The following SEMA3A variants were observed in gnomAD, a reference collection of about 807,000 sequenced individuals.
The protein encoded by SEMA3A is semaphorin 3A, also known as semaphorin-3A.
SEMA3A carries 29 observed loss-of-function variants against 97.9 expected under a neutral mutation model. The ratio of observed to expected loss-of-function variants is 0.30; its 90% CI spans 0.22 to 0.40. The LOEUF (loss-of-function observed/expected upper bound fraction) is 0.40. SEMA3A is among the 10% of genes least tolerant of loss of function. The pLI, the probability that SEMA3A is intolerant of heterozygous loss-of-function variation, is 1.00. For synonymous variants in SEMA3A, 321 were observed against 323.7 expected, an observed-to-expected ratio of 0.99 and a Z score of 0.09; for missense variants, 763 against 951.3, an observed-to-expected ratio of 0.80 and a Z score of 2.60.
chr7:84,463,127 A>G (rs1378660842), intron 1 of SEMA3A, among the ~76,000 whole-genome samples: 5 of 150,902 alleles, frequency 3.3e-5, no homozygotes, highest in Admixed American at 3.3e-4. Context: ...ATTTTTTAAT[A>G]TCTCTCTTTC....
intron 1 of SEMA3A, among the ~76,000 whole-genome samples, chr7:84,453,140 A>C (rs951793881): frequency 6.6e-6 from 1 of 152,202 alleles, no homozygotes; most frequent in Non-Finnish European, 1.5e-5. Context: ...ATCCTTATAC[A>C]TATCGAATAC....
At chr7:84,062,727 C>T (rs1479676186) in intron 4 of SEMA3A, among the ~76,000 whole-genome samples, 2 of 152,178 alleles carry the variant, frequency 1.3e-5, no homozygotes, top group East Asian at 1.9e-4. Flanking sequence ...TAAAAAACGG[C>T]GCATCACGAG....
chr7:84,074,824 ATT>A (rs10540854), intron 4 of SEMA3A, among the ~76,000 whole-genome samples: 18,224 of 152,032 alleles, frequency 0.12, 1,169 homozygotes, highest in South Asian at 0.15. Flanking sequence ...TTTTTCAAAA[ATT>A]CTACACTTTA....
chr7:84,077,492 T>C (rs1300349805), intron 4 of SEMA3A, among the ~76,000 whole-genome samples: 2 of 152,056 alleles, frequency 1.3e-5, no homozygotes, highest in Non-Finnish European at 2.9e-5. Context: ...TCTAGTCATA[T>C]GGTTTCTTTA....
chr7:84,477,071 AAAAT>A (rs1326980919), intron 1 of SEMA3A, among the ~76,000 whole-genome samples: 3 of 124,954 alleles, frequency 2.4e-5, no homozygotes, highest in Admixed American at 9.0e-5. Flanking sequence ...TTAAAAAAAA[AAAAT>A]ATATATATAT....
rs79837171 is a variant in SEMA3A, at chr7:84,281,670, G to A, written c.-83+25537C>T. ...AGATAGTATAGTGTGGTGTTCAAAA[G>A]AACAGACTCTGTAGCTACATTCAGT... On this transcript the variant is annotated intron_variant, in intron 3 of 3. Transcript: ENST00000424555. Among the ~76,000 whole-genome samples, 937 of 152,230 alleles carry A rather than the reference G, an allele frequency of 6.2e-3. 45 individuals are homozygous for A. The East Asian group carries it at 0.12, about 19-fold the overall frequency.
At chr7:84,139,135 G>A (rs1357892108) in intron 1 of SEMA3A, among the ~76,000 whole-genome samples, 1 of 152,096 alleles carries the variant, frequency 6.6e-6, no homozygotes, top group East Asian at 1.9e-4. Context: ...GTAAAATTCA[G>A]TAATGTGAAA....
intron 2 of SEMA3A, among the ~76,000 whole-genome samples, chr7:84,316,363 G>T (rs1801500450): frequency 6.6e-6 from 1 of 151,558 alleles, no homozygotes; most frequent in Non-Finnish European, 1.5e-5. Context: ...AAATAAATTA[G>T]TTAATATTTT....
chr7:84,076,243 G>A (rs1793943763), intron 4 of SEMA3A, among the ~76,000 whole-genome samples: 1 of 152,116 alleles, frequency 6.6e-6, no homozygotes, highest in Non-Finnish European at 1.5e-5. Flanking sequence ...TATTAGCCAA[G>A]AACAATCTTT....
At position 84,320,917 on chromosome 7, in the gene SEMA3A, T is replaced by C. The variant is rs150206530; in HGVS notation, c.-168-13625A>G. 5.6e-3 allele frequency among the ~76,000 whole-genome samples: 846 copies of C among 152,276 alleles called. 7 individuals are homozygous for C. The highest frequency in any genetic ancestry group is 0.019 in the African/African-American group (792 of 41,584). ...TAAAATTATTGTTAAGATGAAATGATGAGGTATATAGAAATGTTTGACTCA... is the reference window on the plus strand; with the variant it reads ...TAAAATTATTGTTAAGATGAAATGACGAGGTATATAGAAATGTTTGACTCA... On this transcript the variant is annotated intron_variant, in intron 2 of 3. Transcript: ENST00000424555.
intron 1 of SEMA3A, among the ~76,000 whole-genome samples, chr7:84,480,695 G>T (rs1806421647): frequency 1.3e-5 from 2 of 152,014 alleles, no homozygotes. Flanking sequence ...TTTTGAATTG[G>T]AAGTGTCCTC....
chr7:84,196,065 G>C (rs890655016), upstream of SEMA3A, among the ~76,000 whole-genome samples: 1 of 151,948 alleles, frequency 6.6e-6, no homozygotes, highest in Non-Finnish European at 1.5e-5. Context: ...AAGTTAACAG[G>C]ACAGAACTTT....
At chr7:84,406,579 T>A (rs2116233464) in intron 1 of SEMA3A, among the ~76,000 whole-genome samples, 1 of 151,178 alleles carries the variant, frequency 6.6e-6, no homozygotes, top group Non-Finnish European at 1.5e-5. Flanking sequence ...TACCAAAGCC[T>A]GGCAGAGACA....
chr7:84,211,411 G>A (rs1280194417), intron 3 of SEMA3A, among the ~76,000 whole-genome samples: 3 of 150,364 alleles, frequency 2.0e-5, no homozygotes, highest in Non-Finnish European at 4.4e-5. Context: ...AGGAGTTCGA[G>A]ACCAGCCTGG....
At chr7:84,035,537 CAA>C (rs1791911312) in intron 6 of SEMA3A, among the ~76,000 whole-genome samples, 1 of 151,724 alleles carries the variant, frequency 6.6e-6, no homozygotes, top group African/African-American at 2.4e-5. Flanking sequence ...TTTAAATAAT[CAA>C]AGAAAAAATT....
intron 12 of SEMA3A, among the ~76,000 whole-genome samples, chr7:83,990,973 T>C (rs970602177): frequency 2.0e-5 from 3 of 152,146 alleles, no homozygotes; most frequent in African/African-American, 4.8e-5. Flanking sequence ...CTTCCTTTTG[T>C]TTGTATCCTC....
intron 1 of SEMA3A, among the ~76,000 whole-genome samples, chr7:84,406,890 G>A (rs1394293875): frequency 6.6e-6 from 1 of 152,106 alleles, no homozygotes; most frequent in East Asian, 1.9e-4. Context: ...AGGTATTGAT[G>A]GGACGTATCT....
intron 4 of SEMA3A, among the ~76,000 whole-genome samples, chr7:84,098,670 G>T (rs933994134): frequency 1.3e-5 from 2 of 152,106 alleles, no homozygotes; most frequent in Admixed American, 1.3e-4. Context: ...AATGCAAATT[G>T]TAATGGATTT....
chr7:84,171,806 T>C (rs1797391390), intron 1 of SEMA3A, among the ~76,000 whole-genome samples: 1 of 148,788 alleles, frequency 6.7e-6, no homozygotes, highest in South Asian at 2.1e-4. Context: ...TATTTTAAAC[T>C]TTTTTTACTA....
Sources: gnomAD v4.1 joint callset for allele counts (sites outside exome capture counted in the v4.1 genomes callset) on GRCh38, gnomAD v4.1.1 for gene constraint, MANE v1.5 for transcripts, NCBI Gene and HGNC (gene_info 2026-07-23, HGNC 2026-07-21) for gene names.